The following PHF20 variants were observed in gnomAD, a reference collection of about 807,000 sequenced individuals.
The protein encoded by PHF20 is PHD finger protein 20.
A neutral mutation model predicts 113.5 loss-of-function variants in PHF20; 23 were observed. The observed-to-expected ratio is 0.20, with a 90% CI of 0.15 to 0.29. The LOEUF is 0.29. PHF20 is among the 10% of genes least tolerant of loss of function. PHF20 has a pLI of 1.00. For synonymous variants in PHF20, 434 were observed against 457.3 expected, an observed-to-expected ratio of 0.95 and a Z score of 0.65; for missense variants, 943 against 1,219.6, an observed-to-expected ratio of 0.77 and a Z score of 3.38.
At chr20:35,811,337 G>A (rs548001017) in intron 2 of PHF20, among the ~76,000 whole-genome samples, 4 of 152,058 alleles carry the variant, frequency 2.6e-5, no homozygotes, top group East Asian at 1.9e-4. Flanking sequence ...GAGCCACCAC[G>A]TTGGGCTAGG....
In PHF20 at chr20:35,792,344, C is replaced by G. The variant is rs6060606; in HGVS notation, c.-32-9147C>G. Among the ~76,000 whole-genome samples the G allele has an allele frequency of 3.0e-3, 460 of 151,168 alleles. 2 individuals are homozygous for G. The highest frequency in any genetic ancestry group is 0.011 in the African/African-American group (441 of 40,916). On this transcript the variant is annotated intron_variant, in intron 1 of 17. Transcript: ENST00000374012. ...CTGGGATTACAGGCACCTGCCACCA[C>G]GCCCGGCTAATTTTTTGTATTTTTA...
chr20:35,809,209 T>C (rs2041934815), intron 2 of PHF20, among the ~76,000 whole-genome samples: 1 of 151,002 alleles, frequency 6.6e-6, no homozygotes, highest in Admixed American at 6.6e-5. Context: ...CACGACGCCA[T>C]TGTACTCCAG....
intron 3 of PHF20, among the ~76,000 whole-genome samples, chr20:35,844,278 A>G (rs546996983): frequency 6.6e-6 from 1 of 151,344 alleles, no homozygotes; most frequent in African/African-American, 2.4e-5. Flanking sequence ...AATTTTTTGT[A>G]TTTTTAGTAC....
intron 15 of PHF20, 27 bp downstream of exon 15, chr20:35,931,471 A>G (rs1175446242): frequency 6.3e-7 from 1 of 1,584,026 alleles, no homozygotes; most frequent in Non-Finnish European, 8.6e-7. Context: ...CAGTGCTGGG[A>G]GCAGTCTGTT....
chr20:35,772,953 C>T (rs945252707), intron 1 of PHF20, among the ~76,000 whole-genome samples: 1 of 152,068 alleles, frequency 6.6e-6, no homozygotes, highest in Admixed American at 6.6e-5. Context: ...GAGGTTGGGC[C>T]GAAAACAATG....
chr20:35,943,334 G>A (rs926982565), intron 17 of PHF20, among the ~76,000 whole-genome samples: 30 of 151,742 alleles, frequency 2.0e-4, no homozygotes, highest in African/African-American at 7.0e-4. Context: ...GTGAGACTCA[G>A]TCTGAAAATA....
rs1321088009 is a variant in PHF20, at chr20:35,899,594, G to A, written c.1507G>A (p.Asp503Asn). The change falls in exon 10 of 18, where the codon GAC (aspartate) becomes AAC (asparagine). Residue 503 changes from aspartate to asparagine, a missense_variant. Asp to Asn is a conservative substitution (Grantham distance 23, BLOSUM62 1). Coordinates refer to ENST00000374012, the MANE Select transcript of PHF20 (RefSeq NM_016436.5). ...HVQTRGPSAS[D>N]KPSQETLTRK... ...CCAAACCAGGGGCCCTTCAGCTTCA[G>A]ACAAGCCCAGCCAGGAGACCCTGAC... The A allele has an allele frequency of 6.2e-7, 1 of 1,614,164 alleles. No individual in the cohort carries two copies. Among genetic ancestry groups the A allele is most frequent in the South Asian group, 1.1e-5 (1 of 91,086 alleles).
chr20:35,898,313 A>G (rs976718209), intron 9 of PHF20, among the ~76,000 whole-genome samples: 1 of 152,256 alleles, frequency 6.6e-6, no homozygotes, highest in African/African-American at 2.4e-5. Context: ...TAGGTTTCAT[A>G]GAGAGATACT....
At chr20:35,834,415 C>G (rs750569188) in intron 2 of PHF20, among the ~76,000 whole-genome samples, 31 of 151,974 alleles carry the variant, frequency 2.0e-4, no homozygotes, top group African/African-American at 4.6e-4. Context: ...GCACACCCAG[C>G]TAATTTTGTA....
intron 2 of PHF20, among the ~76,000 whole-genome samples, chr20:35,812,719 G>A (rs1175842512): frequency 6.6e-6 from 1 of 152,066 alleles, no homozygotes; most frequent in Non-Finnish European, 1.5e-5. Flanking sequence ...ACTTGGATAA[G>A]GTAATGACTT....
intron 15 of PHF20, among the ~76,000 whole-genome samples, chr20:35,934,293 C>A (rs916448707): frequency 2.0e-5 from 3 of 152,174 alleles, no homozygotes; most frequent in African/African-American, 7.2e-5. Flanking sequence ...ATTGGGTCTG[C>A]GTTGGTTTGG....
intron 2 of PHF20, among the ~76,000 whole-genome samples, chr20:35,840,845 G>A (rs2042523089): frequency 6.6e-6 from 1 of 152,130 alleles, no homozygotes; most frequent in Non-Finnish European, 1.5e-5. Flanking sequence ...CCAATTGTAA[G>A]GAAGTCAGGG....
At position 35,945,007 on chromosome 20, in the gene PHF20, A is replaced by C. The variant is rs564069911; in HGVS notation, c.2897-2478A>C. Among the ~76,000 whole-genome samples the C allele has an allele frequency of 2.0e-5, 3 of 152,034 alleles. No homozygotes were observed. The South Asian group carries it at 6.2e-4, about 32-fold the overall frequency. ...GTTCCTCTCACATGACTGATCTTTT[A>C]CTAATGGTTTTCAAGCTTAAGTCTG... On this transcript the variant is annotated intron_variant, in intron 17 of 17. Coordinates refer to ENST00000374012, the MANE Select transcript of PHF20 (RefSeq NM_016436.5).
intron 12 of PHF20, among the ~76,000 whole-genome samples, chr20:35,916,053 C>CCTCA (rs1371964312): frequency 6.6e-6 from 1 of 152,084 alleles, no homozygotes; most frequent in Non-Finnish European, 1.5e-5. Context: ...GGGAGGAACA[C>CCTCA]CTCAGCCCAG....
intron 4 of PHF20, among the ~76,000 whole-genome samples, chr20:35,857,185 A>G (rs1196823016): frequency 6.6e-6 from 1 of 152,246 alleles, no homozygotes; most frequent in East Asian, 1.9e-4. Flanking sequence ...GACAAGATTA[A>G]TTGTGATTAT....
Position 35,917,621 on chromosome 20 carries a change from T to C in PHF20, c.1963T>C (p.Cys655Arg). The change falls in exon 13 of 18, where the codon TGC (cysteine) becomes CGC (arginine). Residue 655 changes from cysteine to arginine, a missense_variant. Physicochemically the swap from Cys to Arg is radical, Grantham distance 180. Transcript: ENST00000374012. ...DDRYDFEVVR[C>R]ICEVQEENDF... ...CCGCTATGACTTCGAGGTGGTCCGC[T>C]GCATCTGTGAGGTCCAGGAGGAAAA... 1.2e-6 allele frequency: 2 copies of C among 1,614,064 alleles called. No homozygotes were observed. Among genetic ancestry groups the C allele is most frequent in the Non-Finnish European group, 8.5e-7 (1 of 1,179,996 alleles).
intron 1 of PHF20, among the ~76,000 whole-genome samples, chr20:35,781,310 A>G (rs1425965305): frequency 6.7e-6 from 1 of 150,086 alleles, no homozygotes; most frequent in African/African-American, 2.5e-5. Flanking sequence ...CATCCGGCTA[A>G]TTTTCATATT....
intron 1 of PHF20, among the ~76,000 whole-genome samples, chr20:35,778,162 C>T (rs2041212405): frequency 6.6e-6 from 1 of 152,092 alleles, no homozygotes; most frequent in Non-Finnish European, 1.5e-5. Context: ...TGGCTTACTG[C>T]AACCTGTGCA....
At chr20:35,871,594 T>C in intron 8 of PHF20, 56 bp from the exon 9 acceptor site, 1 of 1,443,024 alleles carries the variant, frequency 6.9e-7, no homozygotes, top group Non-Finnish European at 9.3e-7. Flanking sequence ...GTAGGACTTT[T>C]GATTTCAGAA....
Sources: gnomAD v4.1 joint callset for allele counts (sites outside exome capture counted in the v4.1 genomes callset) on GRCh38, gnomAD v4.1.1 for gene constraint, MANE v1.5 for transcripts, NCBI Gene and HGNC (gene_info 2026-07-23, HGNC 2026-07-21) for gene names.